The following GSG1L variants were observed in gnomAD, a reference collection of about 807,000 sequenced individuals.
GSG1L encodes the protein GSG1 like.
In GSG1L, 24 loss-of-function variants were observed where a neutral mutation model predicts 42.1. That is an observed-to-expected ratio of 0.57 (90% confidence interval 0.41 to 0.80). GSG1L has a LOEUF of 0.80. Among genes scored for constraint, GSG1L ranks in the 30% least tolerant of loss-of-function variants. GSG1L has a pLI of 0.00. For synonymous variants in GSG1L, 215 were observed against 203.5 expected, an observed-to-expected ratio of 1.06 and a Z score of -0.48; for missense variants, 445 against 472.2, an observed-to-expected ratio of 0.94 and a Z score of 0.53.
chr16:27,909,893 C>T (rs1050900282), intron 2 of GSG1L, among the ~76,000 whole-genome samples: 1 of 150,860 alleles, frequency 6.6e-6, no homozygotes, highest in African/African-American at 2.4e-5. Flanking sequence ...CATCAAGGTT[C>T]GGGGAAGCAA....
intron 2 of GSG1L, among the ~76,000 whole-genome samples, chr16:27,888,452 CTTTCTTTCTT>C (rs1459114577): frequency 0.012 from 258 of 21,516 alleles, 18 homozygotes; most frequent in South Asian, 0.1. Context: ...TTCTTTCTTT[CTTTCTTTCTT>C]TCTCTCTCTC....
intron 2 of GSG1L, among the ~76,000 whole-genome samples, chr16:27,904,768 C>T (rs1217072487): frequency 6.6e-6 from 1 of 152,154 alleles, no homozygotes; most frequent in Non-Finnish European, 1.5e-5. Flanking sequence ...TACAAGACAT[C>T]TCTCACTTTC....
chr16:28,003,001 G>A lies in GSG1L; in HGVS notation c.350-39798C>T, dbSNP rs565430132. On this transcript the variant is annotated intron_variant, in intron 1 of 6. Transcript: ENST00000447459. ...CAGGGGGAGAGCATCCCAGGCAAAA[G>A]GCACAGCAAGTCCAAAAGCCCTGGG... Among the ~76,000 whole-genome samples, 12 of 152,308 alleles carry A rather than the reference G, an allele frequency of 7.9e-5. No homozygotes were observed. In the East Asian group the frequency reaches 1.9e-3, roughly 25 times the overall value.
Position 28,009,093 on chromosome 16 carries a change from G to A in GSG1L, c.350-45890C>T, listed in dbSNP as rs78762103. Among the ~76,000 whole-genome samples the A allele has an allele frequency of 2.0e-5, 3 of 152,326 alleles. No homozygotes were observed. In the East Asian group the frequency reaches 5.8e-4, roughly 29 times the overall value. ...CGAAGTACTGGGATTACAGGAGTAA[G>A]CCACGGTGCTTGGCCACATCAGTAC... On this transcript the variant is annotated intron_variant, in intron 1 of 6. Transcript: ENST00000447459.
chr16:28,034,123 C>T (rs1463582359), intron 1 of GSG1L, among the ~76,000 whole-genome samples: 1 of 151,598 alleles, frequency 6.6e-6, no homozygotes, highest in Non-Finnish European at 1.5e-5. Flanking sequence ...CCAACACATC[C>T]CATCCCATCC....
chr16:27,878,068 T>A (rs1352191579), intron 3 of GSG1L, among the ~76,000 whole-genome samples: 10 of 151,100 alleles, frequency 6.6e-5, no homozygotes, highest in African/African-American at 2.0e-4. Flanking sequence ...AAAAAAAAAA[T>A]GGTTTTTGAG....
At chr16:27,883,707 C>T (rs1183448179) in intron 3 of GSG1L, among the ~76,000 whole-genome samples, 1 of 152,248 alleles carries the variant, frequency 6.6e-6, no homozygotes, top group Non-Finnish European at 1.5e-5. Context: ...ACTGCTCTGT[C>T]TGCCAGGCCT....
At chr16:27,804,031 TTAGATGGATAGATAGA>T (rs2082923670) in intron 6 of GSG1L, among the ~76,000 whole-genome samples, 1 of 58,672 alleles carries the variant, frequency 1.7e-5, no homozygotes, top group South Asian at 4.5e-4. Flanking sequence ...AATAGATAGA[TTAGATGGATAGATAGA>T]TAGATAGATA....
chr16:27,860,042 C>T (rs1055045590), intron 3 of GSG1L, among the ~76,000 whole-genome samples: 1 of 152,062 alleles, frequency 6.6e-6, no homozygotes, highest in African/African-American at 2.4e-5. Flanking sequence ...CAGGGGCTCC[C>T]TCTGGCTCAG....
chr16:27,865,562 T>TACACAC (rs1159594884), intron 3 of GSG1L, among the ~76,000 whole-genome samples: 5 of 25,970 alleles, frequency 1.9e-4, no homozygotes, highest in African/African-American at 9.0e-4. Flanking sequence ...TATATATATA[T>TACACAC]ATATATATAT....
chr16:27,942,226 G>A (rs200692441), intron 2 of GSG1L, among the ~76,000 whole-genome samples: 11 of 149,914 alleles, frequency 7.3e-5, no homozygotes, highest in South Asian at 2.1e-4. Context: ...CTCGGCTCAC[G>A]GCAACCTCTG....
chr16:27,828,773 C>G lies in GSG1L; in HGVS notation c.830+16G>C. 1 of 1,608,460 alleles carries G rather than the reference C, an allele frequency of 6.2e-7. No individual in the cohort carries two copies. Among genetic ancestry groups the G allele is most frequent in the Non-Finnish European group, 8.5e-7 (1 of 1,175,774 alleles). On this transcript the variant is annotated intron_variant, in intron 5 of 6. Transcript: ENST00000447459. Reference sequence around the variant, plus strand: ...GAGTCCCCGTGGTGGCCAGAGGTAACCCCCTGTGCACTGACCTCTCCCGGA... The same window carrying G: ...GAGTCCCCGTGGTGGCCAGAGGTAAGCCCCTGTGCACTGACCTCTCCCGGA...
At chr16:27,869,306 C>A (rs2083772297) in intron 3 of GSG1L, among the ~76,000 whole-genome samples, 1 of 151,582 alleles carries the variant, frequency 6.6e-6, no homozygotes, top group African/African-American at 2.4e-5. Flanking sequence ...CAGTGGCCTT[C>A]CCTCTCATAG....
At chr16:27,846,004 T>C (rs2083439231) in intron 3 of GSG1L, among the ~76,000 whole-genome samples, 1 of 151,814 alleles carries the variant, frequency 6.6e-6, no homozygotes, top group Admixed American at 6.6e-5. Context: ...CCAGGCTCAG[T>C]TGATCCTCCC....
chr16:27,869,285 T>C (rs78871082), intron 3 of GSG1L, among the ~76,000 whole-genome samples: 3,094 of 151,664 alleles, frequency 0.02, 259 homozygotes, highest in African/African-American at 0.073. Context: ...CAGAGGGGTT[T>C]TGAGGAGAGT....
chr16:28,036,974 T>G (rs1027368257), intron 1 of GSG1L, among the ~76,000 whole-genome samples: 9 of 152,080 alleles, frequency 5.9e-5, no homozygotes, highest in African/African-American at 2.2e-4. Flanking sequence ...CCCAGAAGAG[T>G]GTGCACTTCA....
chr16:27,965,724 A>G (rs2085124397), intron 1 of GSG1L, among the ~76,000 whole-genome samples: 1 of 152,024 alleles, frequency 6.6e-6, no homozygotes, highest in South Asian at 2.1e-4. Context: ...ACTTCTCGCC[A>G]CCTCCGCTGG....
intron 2 of GSG1L, among the ~76,000 whole-genome samples, chr16:27,906,607 C>T (rs189715931): frequency 2.6e-5 from 4 of 152,302 alleles, no homozygotes; most frequent in Non-Finnish European, 5.9e-5. Context: ...TCCTCTTATT[C>T]TCACAGGGCT....
chr16:27,800,664 C>A (rs113343179), intron 6 of GSG1L, among the ~76,000 whole-genome samples: 15 of 152,296 alleles, frequency 9.8e-5, no homozygotes, highest in African/African-American at 3.6e-4. Context: ...AGTAGCCCCC[C>A]AGAATAACAT....
Sources: gnomAD v4.1 joint callset for allele counts (sites outside exome capture counted in the v4.1 genomes callset) on GRCh38, gnomAD v4.1.1 for gene constraint, MANE v1.5 for transcripts, NCBI Gene and HGNC (gene_info 2026-07-23, HGNC 2026-07-21) for gene names.